Variants in NFIC observed in about 807,000 individuals in gnomAD.
The protein encoded by NFIC is nuclear factor I C.
A neutral mutation model predicts 54.4 loss-of-function variants in NFIC; 12 were observed. The ratio of observed to expected loss-of-function variants is 0.22; its 90% CI spans 0.14 to 0.36. NFIC has a LOEUF of 0.36. Among genes scored for constraint, NFIC ranks in the 10% least tolerant of loss-of-function variants. NFIC has a pLI of 1.00. For missense variants in NFIC, 575 were observed against 718.2 expected, an observed-to-expected ratio of 0.80 and a Z score of 2.28; for synonymous variants, 322 against 319.2, an observed-to-expected ratio of 1.01 and a Z score of -0.09.
chr19:3,453,753 G>C lies in NFIC; in HGVS notation c.1270-10G>C, dbSNP rs754189523. Reference sequence around the variant, plus strand: ...CCACCCCTTAACCACGTGTCTCTCTGTTCCCCCAGTTAAATGGAAGTGGTC... The same window carrying C: ...CCACCCCTTAACCACGTGTCTCTCTCTTCCCCCAGTTAAATGGAAGTGGTC... On this transcript the variant is annotated splice_polypyrimidine_tract_variant and intron_variant, in intron 8 of 10. Coordinates refer to ENST00000443272, the MANE Select transcript of NFIC (RefSeq NM_001245002.2). This position sits in a 1 kb window ranked among gnomAD's most constrained non-coding sequence, Gnocchi z 6.7. 2.5e-6 allele frequency: 4 copies of C among 1,598,518 alleles called. No homozygotes were observed. Among genetic ancestry groups the C allele is most frequent in the African/African-American group, 2.7e-5 (2 of 73,488 alleles).
At chr19:3,380,956 A>G (rs1046593465) in intron 1 of NFIC, among the ~76,000 whole-genome samples, 3 of 151,954 alleles carry the variant, frequency 2.0e-5, no homozygotes, top group Admixed American at 6.6e-5. Flanking sequence ...ACCCAGCCCA[A>G]CCCTAGCTGC....
intron 1 of NFIC, among the ~76,000 whole-genome samples, chr19:3,367,020 G>C (rs906359713): frequency 2.0e-5 from 3 of 151,266 alleles, no homozygotes; most frequent in African/African-American, 7.3e-5. Flanking sequence ...AGGTCGGGGT[G>C]GGGGCTGGCC....
chr19:3,406,115 CAG>C (rs1201859455), intron 2 of NFIC, among the ~76,000 whole-genome samples: 2 of 150,750 alleles, frequency 1.3e-5, no homozygotes, highest in South Asian at 2.1e-4. Flanking sequence ...TTGTTTGAGA[CAG>C]AGTCTCACTC....
At chr19:3,420,800 G>A (rs569874417) in intron 2 of NFIC, among the ~76,000 whole-genome samples, 1 of 151,798 alleles carries the variant, frequency 6.6e-6, no homozygotes, top group African/African-American at 2.4e-5. Context: ...TGGGCTCACT[G>A]CAAAATCCGC....
intron 1 of NFIC, among the ~76,000 whole-genome samples, chr19:3,379,673 C>CTTTTTTTTTTTTTTTTTTTTT (rs370082450): frequency 3.2e-4 from 33 of 102,534 alleles, no homozygotes; most frequent in African/African-American, 9.3e-4. Context: ...TTATTTCTTT[C>CTTTTTTTTTTTTTTTTTTTTT]TTTTTTTTTT....
chr19:3,424,558 G>A (rs1471345527), intron 2 of NFIC, among the ~76,000 whole-genome samples: 1 of 151,574 alleles, frequency 6.6e-6, no homozygotes, highest in Non-Finnish European at 1.5e-5. Flanking sequence ...TGTACTTTTA[G>A]TAGAGATGGG....
chr19:3,363,053 C>T (rs1410427293), upstream of NFIC, among the ~76,000 whole-genome samples: 3 of 151,820 alleles, frequency 2.0e-5, no homozygotes, highest in African/African-American at 7.3e-5. Flanking sequence ...TTTCTGATCA[C>T]CCCCATTCCT....
intron 6 of NFIC, among the ~76,000 whole-genome samples, chr19:3,448,005 A>T (rs2082398406): frequency 6.6e-6 from 1 of 152,186 alleles, no homozygotes; most frequent in African/African-American, 2.4e-5. Context: ...CCTGGGTTCA[A>T]GCGATTCTCC....
chr19:3,468,632 T>G lies in NFIC; in HGVS notation c.*5863T>G, dbSNP rs561368710. The stretch of plus-strand genomic sequence containing the variant: ...ACAAAACAAAACATTTTCCTTTGGG[T>G]TTTTTTTTTCTTTCTTTTTTCTCCC... On this transcript the variant is annotated 3_prime_UTR_variant, in exon 11 of 11. Transcript: ENST00000443272. The G allele has an allele frequency of 1.3e-5, 2 of 149,168 alleles. No individual in the cohort carries two copies. The highest frequency in any genetic ancestry group is 4.3e-4 in the South Asian group (2 of 4,692). The allele number at this position is 149,168 out of a possible 1,614,324, so 9.2% of individuals were successfully genotyped here. A position where few individuals can be genotyped will look rare whatever the true frequency, so the allele number is the denominator to read the frequency against.
rs149997816 is a variant in NFIC, at chr19:3,429,134, TATAC to T, written c.634+3959_634+3962del. 1.8e-3 allele frequency among the ~76,000 whole-genome samples: 121 copies of T among 67,200 alleles called. 6 individuals are homozygous for T. Among genetic ancestry groups the T allele is most frequent in the African/African-American group, 5.0e-3 (79 of 15,950 alleles). The allele number at this position is 67,200 out of a possible 152,430, so 44.1% of individuals were successfully genotyped here. ...ACCCTATCTCTACCCAAAAAAAAAA[TATAC>T]ACACACACACACACACACACACACA... On this transcript the variant is annotated intron_variant, in intron 3 of 10. Transcript: ENST00000443272.
At chr19:3,461,619 A>C (rs1007031604) in intron 10 of NFIC, among the ~76,000 whole-genome samples, 2 of 151,992 alleles carry the variant, frequency 1.3e-5, no homozygotes, top group African/African-American at 4.8e-5. Flanking sequence ...GCTACTTGGG[A>C]GGCTAAGGCA....
Position 3,467,758 on chromosome 19 carries a change from C to CATATATATATATATATATATAT in NFIC, c.*4999_*5020dup, listed in dbSNP as rs551667735. On this transcript the variant is annotated 3_prime_UTR_variant, in exon 11 of 11. Coordinates refer to ENST00000443272, the MANE Select transcript of NFIC (RefSeq NM_001245002.2). The stretch of plus-strand genomic sequence containing the variant: ...ACCTCCAGTGTAGGGCTATACTATA[C>CATATATATATATATATATATAT]ATATATATATATATATATATATATA... 0.01 allele frequency: 713 copies of CATATATATATATATATATATAT among 69,392 alleles called. 38 individuals carry two copies. Among genetic ancestry groups the CATATATATATATATATATATAT allele is most frequent in the African/African-American group, 0.019 (202 of 10,576 alleles). 4.3% of individuals were successfully genotyped at this position (69,392 alleles called of 1,614,324 possible).
intron 2 of NFIC, among the ~76,000 whole-genome samples, chr19:3,401,840 G>A (rs1485015955): frequency 6.6e-6 from 1 of 151,736 alleles, no homozygotes; most frequent in Admixed American, 6.6e-5. Context: ...TCCTGCCTCA[G>A]CCTCCTGAGT....
chr19:3,424,682 C>G (rs979367757), intron 2 of NFIC, among the ~76,000 whole-genome samples: 1 of 152,206 alleles, frequency 6.6e-6, no homozygotes, highest in South Asian at 2.1e-4. Flanking sequence ...CGTGCCCGGC[C>G]TGAACTTCAT....
upstream of NFIC, among the ~76,000 whole-genome samples, chr19:3,366,106 G>A (rs1002354999): frequency 1.3e-5 from 2 of 151,508 alleles, no homozygotes; most frequent in South Asian, 2.1e-4. Flanking sequence ...GGGAGGGGGG[G>A]CCTTAAAAAT....
In NFIC at chr19:3,459,017, G is replaced by A. The variant is rs1444910189; in HGVS notation, c.1509+2382G>A. Among the ~76,000 whole-genome samples, 1 of 152,078 alleles carries A rather than the reference G, an allele frequency of 6.6e-6. No individual in the cohort carries two copies. Among genetic ancestry groups the A allele is most frequent in the Non-Finnish European group, 1.5e-5 (1 of 68,002 alleles). On this transcript the variant is annotated intron_variant, in intron 10 of 10. Transcript: ENST00000443272. The surrounding 1 kb of genome is among the most constrained non-coding windows in gnomAD (Gnocchi z 4.2). ...CCGCCACCTCCCTGCAGACCCCGGA[G>A]AGAGGGAGGGAAGAAGCAGTGAGAT...
chr19:3,411,488 C>T (rs1185992670), intron 2 of NFIC, among the ~76,000 whole-genome samples: 5 of 151,906 alleles, frequency 3.3e-5, no homozygotes, highest in African/African-American at 9.7e-5. Context: ...CCACCATGCC[C>T]GGCTAATTTT....
chr19:3,389,542 C>A (rs2081347663), intron 2 of NFIC, among the ~76,000 whole-genome samples: 1 of 152,100 alleles, frequency 6.6e-6, no homozygotes, highest in Admixed American at 6.6e-5. Context: ...AATTTGTGTT[C>A]CTGTGTGCTC....
chr19:3,417,092 A>T (rs8106306), intron 2 of NFIC, among the ~76,000 whole-genome samples: 2 of 149,580 alleles, frequency 1.3e-5, no homozygotes, highest in South Asian at 2.1e-4. Context: ...TCACCATGTT[A>T]GCCAGGATGG....
Sources: gnomAD v4.1 joint callset for allele counts (sites outside exome capture counted in the v4.1 genomes callset) on GRCh38, gnomAD v4.1.1 for gene constraint, Gnocchi (gnomAD v3.1) non-coding constraint, MANE v1.5 for transcripts, NCBI Gene and HGNC (gene_info 2026-07-23, HGNC 2026-07-21) for gene names.